SUSD4: variants seen among roughly 807,000 people sequenced by gnomAD.
SUSD4 encodes the protein sushi domain containing 4.
SUSD4 carries 41 observed loss-of-function variants against 50.5 expected under a neutral mutation model. That is an observed-to-expected ratio of 0.81 (90% CI 0.63 to 1.05). The LOEUF (loss-of-function observed/expected upper bound fraction) is 1.05, where lower values mean the gene tolerates loss of function less well. Ranked by LOEUF, SUSD4 falls within the 50% of genes least tolerant of loss-of-function variation. SUSD4 has a pLI of 0.00. For synonymous variants in SUSD4, 257 were observed against 257.3 expected (o/e 1.00, Z 0.01); for missense variants, 580 against 634.7 (o/e 0.91, Z 0.93).
rs1659579977 is a variant in SUSD4 at position 223,227,279 on chromosome 1, C to A, written c.1061+315G>T. Among the ~76,000 whole-genome samples, 1 of 152,134 alleles carries A rather than the reference C, an allele frequency of 6.6e-6. No homozygotes were observed. Among genetic ancestry groups the A allele is most frequent in the African/African-American group, 2.4e-5 (1 of 41,424 alleles). On this transcript the variant is annotated intron_variant, in intron 7 of 8. Coordinates refer to ENST00000366878, the MANE Select transcript of SUSD4 (RefSeq NM_017982.4). This position sits in a 1 kb window ranked among gnomAD's most constrained non-coding sequence, Gnocchi z 4.5. ...TCCAGGGCCACATGCAGGGGGACCACAGTGGGAATGGTGCCTCTGGGTGGA... is the reference window on the plus strand; with the variant it reads ...TCCAGGGCCACATGCAGGGGGACCAAAGTGGGAATGGTGCCTCTGGGTGGA...
chr1:223,306,226 T>C (rs529703193), intron 2 of SUSD4, among the ~76,000 whole-genome samples: 7 of 152,324 alleles, frequency 4.6e-5, no homozygotes, highest in African/African-American at 1.7e-4. Flanking sequence ...ATAACAATGC[T>C]AACTCATAAT....
At chr1:223,331,647 A>G (rs1452535389) in intron 2 of SUSD4, among the ~76,000 whole-genome samples, 1 of 152,210 alleles carries the variant, frequency 6.6e-6, no homozygotes, top group African/African-American at 2.4e-5. Flanking sequence ...TGAGACTTTC[A>G]AACAGCAACT....
At chr1:223,271,123 C>T (rs377562242) in intron 3 of SUSD4, among the ~76,000 whole-genome samples, 5 of 152,232 alleles carry the variant, frequency 3.3e-5, no homozygotes, top group East Asian at 3.9e-4. Flanking sequence ...ATAGGTACTG[C>T]GGCAGTAATT....
intron 5 of SUSD4, among the ~76,000 whole-genome samples, chr1:223,230,102 C>T (rs1044976571): frequency 1.3e-5 from 2 of 152,184 alleles, no homozygotes; most frequent in African/African-American, 4.8e-5. Context: ...AGGGTTCTGA[C>T]TCGAATATCC....
intron 5 of SUSD4, among the ~76,000 whole-genome samples, chr1:223,246,632 G>A (rs1012828250): frequency 3.3e-5 from 5 of 152,110 alleles, no homozygotes; most frequent in Admixed American, 2.0e-4. Context: ...AGGCGTAGGA[G>A]GGGCTGGAGG....
At chr1:223,286,672 A>C (rs1309742053) in intron 3 of SUSD4, among the ~76,000 whole-genome samples, 1 of 152,218 alleles carries the variant, frequency 6.6e-6, no homozygotes, top group Non-Finnish European at 1.5e-5. Flanking sequence ...AGGCAAGGAA[A>C]ATGGAGCTGC....
intron 3 of SUSD4, among the ~76,000 whole-genome samples, chr1:223,281,679 T>C (rs1259965060): frequency 6.6e-6 from 1 of 152,170 alleles, no homozygotes; most frequent in Non-Finnish European, 1.5e-5. Context: ...GCTGGTACCA[T>C]TCCTTCTGAA....
intron 5 of SUSD4, among the ~76,000 whole-genome samples, chr1:223,255,995 T>C (rs1001571043): frequency 6.6e-6 from 1 of 152,152 alleles, no homozygotes; most frequent in Non-Finnish European, 1.5e-5. Flanking sequence ...GAGTCTCTAA[T>C]AGCAGTGGCC....
At position 223,292,650 on chromosome 1, in the gene SUSD4, C is replaced by T. The variant is rs1011382766; in HGVS notation, c.150G>A (p.Gly50=). Reference sequence around the variant, plus strand: ...CAGCACACACTTGAAGGTCATCGAACCCTACATCAACAAAGAGAGGAAAAG... The same window carrying T: ...CAGCACACACTTGAAGGTCATCGAATCCTACATCAACAAAGAGAGGAAAAG... ...LCFGPAQLTG[G]FDDLQVCADP... is the part of the protein sequence containing the mutation. The change falls in exon 3 of 9, where the codon GGG becomes GGA. Residue 50 remains glycine (G), a splice_region_variant and synonymous_variant. Transcript: ENST00000366878. The T allele has an allele frequency of 1.9e-6, 3 of 1,613,590 alleles. No homozygotes were observed. Among genetic ancestry groups the T allele is most frequent in the African/African-American group, 2.7e-5 (2 of 74,844 alleles).
intron 2 of SUSD4, among the ~76,000 whole-genome samples, chr1:223,342,018 C>G (rs1362640087): frequency 6.6e-6 from 1 of 152,094 alleles, no homozygotes. Flanking sequence ...AGGAGGGTGC[C>G]CAGCCCAGAC....
At chr1:223,268,013 T>TTATACATATATATATATATATATATA (rs1662621339) in intron 4 of SUSD4, among the ~76,000 whole-genome samples, 1 of 53,346 alleles carries the variant, frequency 1.9e-5, no homozygotes, top group Non-Finnish European at 3.0e-5. Flanking sequence ...CATGCATTTT[T>TTATACATATATATATATATATATATA]TATATATATA....
rs771068997 is a variant in SUSD4, at chr1:223,268,654, T to C, written c.383A>G (p.Glu128Gly). The C allele has an allele frequency of 6.2e-7, 1 of 1,612,600 alleles. No homozygotes were observed. Among genetic ancestry groups the C allele is most frequent in the South Asian group, 1.1e-5 (1 of 90,486 alleles). Residue 128 changes from glutamate (E) to glycine (G), a missense_variant, in exon 4 of 9, where the codon GAA (glutamate) becomes GGA (glycine). Transcript: ENST00000366878. ...TGTCTTGTTATGAATCTCAGCATCT[T>C]CGATTTGAGGGATACGGCAATCTGC... ...VQEDCRIPQI[E>G]DAEIHNKTYR... is the part of the protein sequence containing the mutation.
intron 5 of SUSD4, among the ~76,000 whole-genome samples, chr1:223,263,398 C>A (rs751664117): frequency 1.3e-5 from 2 of 152,200 alleles, no homozygotes; most frequent in Non-Finnish European, 2.9e-5. Flanking sequence ...CTAAGTATGT[C>A]CCATATATCG....
chr1:223,269,929 G>A (rs1352309148), intron 3 of SUSD4, among the ~76,000 whole-genome samples: 1 of 152,158 alleles, frequency 6.6e-6, no homozygotes, highest in African/African-American at 2.4e-5. Context: ...GATGTGAGTG[G>A]AAGAGAAGGG....
At chr1:223,245,464 T>TGGAGGCAGTGAAG (rs1660857208) in intron 5 of SUSD4, among the ~76,000 whole-genome samples, 1 of 151,890 alleles carries the variant, frequency 6.6e-6, no homozygotes, top group African/African-American at 2.4e-5. Context: ...GAAGGTGGGC[T>TGGAGGCAGTGAAG]GGAGGCAGTG....
intron 2 of SUSD4, among the ~76,000 whole-genome samples, chr1:223,326,090 A>G (rs1666860616): frequency 6.6e-6 from 1 of 152,340 alleles, no homozygotes; most frequent in South Asian, 2.1e-4. Context: ...ACATTACCAG[A>G]CCTCAAATTA....
intron 5 of SUSD4, among the ~76,000 whole-genome samples, chr1:223,232,040 C>A (rs981138102): frequency 6.6e-6 from 1 of 152,174 alleles, no homozygotes; most frequent in Non-Finnish European, 1.5e-5. Context: ...ACGTGGAGGA[C>A]GTTCTGCTAA....
chr1:223,329,726 C>A (rs541973645), intron 2 of SUSD4, among the ~76,000 whole-genome samples: 1 of 152,028 alleles, frequency 6.6e-6, no homozygotes, highest in South Asian at 2.1e-4. Flanking sequence ...AACGATAGCA[C>A]TGGAGTTCAG....
chr1:223,300,282 G>C (rs909533597), intron 2 of SUSD4, among the ~76,000 whole-genome samples: 1 of 152,174 alleles, frequency 6.6e-6, no homozygotes, highest in Non-Finnish European at 1.5e-5. Context: ...TTGGACTCTG[G>C]TTCTCAATGA....
Sources: allele counts gnomAD v4.1 joint callset (sites outside exome capture counted in the v4.1 genomes callset), GRCh38; gene constraint gnomAD v4.1.1; non-coding constraint Gnocchi (gnomAD v3.1); transcripts MANE v1.5; gene names NCBI Gene and HGNC (gene_info 2026-07-23, HGNC 2026-07-21).